ERBB4: variants seen among roughly 807,000 people sequenced by gnomAD.
ERBB4 encodes erb-b2 receptor tyrosine kinase 4.
In ERBB4, 42 loss-of-function variants were observed where a neutral mutation model predicts 158.0. That is an observed-to-expected ratio of 0.27 (90% CI 0.21 to 0.34). The LOEUF (loss-of-function observed/expected upper bound fraction) is 0.34, where lower values mean the gene tolerates loss of function less well. Ranked by LOEUF, ERBB4 falls within the 10% of genes least tolerant of loss-of-function variation. ERBB4 has a pLI of 1.00. For missense variants in ERBB4, 1,333 were observed against 1,624.1 expected, an observed-to-expected ratio of 0.82 and a Z score of 3.08; for synonymous variants, 583 against 558.7, an observed-to-expected ratio of 1.04 and a Z score of -0.61.
At chr2:212,097,110 C>T (rs1255126878) in intron 2 of ERBB4, among the ~76,000 whole-genome samples, 2 of 152,038 alleles carry the variant, frequency 1.3e-5, no homozygotes, top group Non-Finnish European at 2.9e-5. Flanking sequence ...TACGCACTGG[C>T]AATATTGAGA....
intron 2 of ERBB4, among the ~76,000 whole-genome samples, chr2:212,009,654 C>T (rs750527814): frequency 6.6e-6 from 1 of 152,104 alleles, no homozygotes. Context: ...GAGAGAGTTA[C>T]TTAAATGAGA....
intron 3 of ERBB4, among the ~76,000 whole-genome samples, chr2:211,809,267 C>T (rs2076692337): frequency 6.6e-6 from 1 of 152,168 alleles, no homozygotes; most frequent in South Asian, 2.1e-4. Context: ...AGGAATGGAA[C>T]CAGCTCCTCT....
chr2:211,950,529 T>TA (rs1369084967), intron 2 of ERBB4, among the ~76,000 whole-genome samples: 1 of 152,048 alleles, frequency 6.6e-6, no homozygotes, highest in East Asian at 1.9e-4. Flanking sequence ...TGGTTTATAA[T>TA]AAAAAATAAA....
chr2:212,489,928 C>CTTTTACTA (rs1335950926), intron 1 of ERBB4, among the ~76,000 whole-genome samples: 2 of 151,696 alleles, frequency 1.3e-5, no homozygotes, highest in East Asian at 3.9e-4. Context: ...TCTAAAATCT[C>CTTTTACTA]GAGTTGTCTT....
chr2:211,485,735 CG>C (rs958685624), intron 20 of ERBB4, among the ~76,000 whole-genome samples: 11 of 151,150 alleles, frequency 7.3e-5, no homozygotes, highest in African/African-American at 2.7e-4. Flanking sequence ...GGAGGGATAG[CG>C]TTAGGAGATA....
rs2083416709 is a variant in ERBB4, at chr2:212,224,728, GT to G, written c.83-99826del. 8.6e-5 allele frequency among the ~76,000 whole-genome samples: 13 copies of G among 151,964 alleles called. No individual in the cohort carries two copies. In the South Asian group the frequency reaches 2.7e-3, roughly 31 times the overall value. On this transcript the variant is annotated intron_variant, in intron 1 of 27. Transcript: ENST00000342788. Reference sequence around the variant, plus strand: ...TAAAAAGGCATATAACAACGAAAAAGTAAGGAATTTAATGTTACTACTCTCT... The same window carrying G: ...TAAAAAGGCATATAACAACGAAAAAGAAGGAATTTAATGTTACTACTCTCT...
At chr2:211,878,892 G>A (rs2078587791) in intron 3 of ERBB4, among the ~76,000 whole-genome samples, 2 of 152,174 alleles carry the variant, frequency 1.3e-5, no homozygotes, top group South Asian at 4.1e-4. Flanking sequence ...ACTAGAGAAA[G>A]TCTTTTAAAA....
intron 1 of ERBB4, among the ~76,000 whole-genome samples, chr2:212,254,277 C>T (rs1284703564): frequency 6.6e-6 from 1 of 152,056 alleles, no homozygotes; most frequent in Admixed American, 6.6e-5. Flanking sequence ...CAACCCAGTG[C>T]CTAATTTCAT....
chr2:211,895,736 T>A (rs918022038), intron 3 of ERBB4, among the ~76,000 whole-genome samples: 5 of 152,200 alleles, frequency 3.3e-5, no homozygotes, highest in African/African-American at 9.7e-5. Context: ...TAGAACTGTC[T>A]ATACACACTG....
chr2:211,549,643 T>C (rs906167696), intron 20 of ERBB4, among the ~76,000 whole-genome samples: 1 of 152,110 alleles, frequency 6.6e-6, no homozygotes, highest in African/African-American at 2.4e-5. Flanking sequence ...GACACGTAAG[T>C]GAGCCCAGGC....
intron 19 of ERBB4, among the ~76,000 whole-genome samples, chr2:211,595,392 A>G (rs891555992): frequency 2.0e-5 from 3 of 152,198 alleles, no homozygotes; most frequent in Admixed American, 6.5e-5. Context: ...CTAAGTTGAC[A>G]GAAAAGGGAA....
chr2:212,319,648 T>C (rs1456520014), intron 1 of ERBB4, among the ~76,000 whole-genome samples: 1 of 150,236 alleles, frequency 6.7e-6, no homozygotes, highest in Non-Finnish European at 1.5e-5. Context: ...GAATTGCATA[T>C]AAGTATATTT....
At chr2:212,099,886 T>A (rs1021784720) in intron 2 of ERBB4, among the ~76,000 whole-genome samples, 1 of 151,814 alleles carries the variant, frequency 6.6e-6, no homozygotes, top group African/African-American at 2.4e-5. Context: ...TAGTAAGATA[T>A]CTGCAGCATA....
chr2:211,830,640 A>G (rs949308646), intron 3 of ERBB4, among the ~76,000 whole-genome samples: 19 of 152,130 alleles, frequency 1.2e-4, no homozygotes, highest in African/African-American at 4.6e-4. Flanking sequence ...CATCATTCCA[A>G]AATGAAACAA....
At position 211,993,289 on chromosome 2, in the gene ERBB4, C is replaced by T. The variant is rs180677595; in HGVS notation, c.235-45673G>A. ...GGAAGAAACACTTGAGATTCATGCTCACAGCGGAAAAGCCATGTGAAGACA... is the reference window on the plus strand; with the variant it reads ...GGAAGAAACACTTGAGATTCATGCTTACAGCGGAAAAGCCATGTGAAGACA... On this transcript the variant is annotated intron_variant, in intron 2 of 27. Transcript: ENST00000342788. Among the ~76,000 whole-genome samples, 160 of 152,304 alleles carry T rather than the reference C, an allele frequency of 1.1e-3. 1 individual carries two copies. Among genetic ancestry groups the T allele is most frequent in the African/African-American group, 3.6e-3 (148 of 41,570 alleles).
intron 3 of ERBB4, among the ~76,000 whole-genome samples, chr2:211,795,903 T>C (rs2076373087): frequency 6.6e-6 from 1 of 151,864 alleles, no homozygotes. Flanking sequence ...TAATAGATAT[T>C]GGTGACAACT....
chr2:212,089,506 C>T (rs150390242), intron 2 of ERBB4, among the ~76,000 whole-genome samples: 108 of 152,266 alleles, frequency 7.1e-4, no homozygotes, highest in Middle Eastern at 3.4e-3. Context: ...GTGAAGTCCT[C>T]ATGCATGGTT....
At chr2:211,759,806 A>AGTGTGTGTGT (rs67981670) in intron 4 of ERBB4, among the ~76,000 whole-genome samples, 11 of 149,938 alleles carry the variant, frequency 7.3e-5, no homozygotes, top group African/African-American at 2.7e-4. Flanking sequence ...CATTTTCTAG[A>AGTGTGTGTGT]GTGTGTGTGT....
At chr2:212,240,669 A>C (rs1374160871) in intron 1 of ERBB4, among the ~76,000 whole-genome samples, 2 of 120,756 alleles carry the variant, frequency 1.7e-5, no homozygotes, top group Non-Finnish European at 3.6e-5. Context: ...AAAAAAAAAC[A>C]GAAAAAAAAG....
Sources: gnomAD v4.1 joint callset for allele counts (sites outside exome capture counted in the v4.1 genomes callset) on GRCh38, gnomAD v4.1.1 for gene constraint, MANE v1.5 for transcripts, NCBI Gene and HGNC (gene_info 2026-07-23, HGNC 2026-07-21) for gene names.